Variants in PHRF1 observed in about 807,000 individuals in gnomAD.
PHRF1 encodes the protein PHD and ring finger domains 1.
In PHRF1, 53 loss-of-function variants were observed where a neutral mutation model predicts 128.9. The observed-to-expected ratio is 0.41, with a 90% CI of 0.33 to 0.52. The LOEUF (loss-of-function observed/expected upper bound fraction) is 0.52. PHRF1 is among the 20% of genes least tolerant of loss of function. The pLI, the probability that PHRF1 is intolerant of heterozygous loss-of-function variation, is 0.21. For missense variants in PHRF1, 2,503 were observed against 2,284.5 expected (o/e 1.10, Z -1.95); for synonymous variants, 1,178 against 980.6 (o/e 1.20, Z -3.76).
rs201479751 is a variant in PHRF1 at position 607,921 on chromosome 11, C to T, written c.2465C>T (p.Thr822Met). Residue 822 changes from threonine to methionine, a missense_variant, in exon 14 of 18, where the codon ACG becomes ATG. Physicochemically the swap from Thr to Met is moderately conservative, Grantham distance 81 (BLOSUM62 -1). Coordinates refer to ENST00000264555, the MANE Select transcript of PHRF1 (RefSeq NM_001286581.2). ...TCACCCCTCTTCTCCATCAAGAAGA[C>T]GAAGCAGCTGCGGAGCGAGGTCTAC... ...NPSPLFSIKK[T>M]KQLRSEVYDP... The T allele has an allele frequency of 3.4e-5, 55 of 1,612,608 alleles. No homozygotes were observed. Among genetic ancestry groups the T allele is most frequent in the South Asian group, 4.4e-5 (4 of 91,072 alleles).
Position 610,235 on chromosome 11 carries a change from C to A in PHRF1, c.4304C>A (p.Ala1435Asp), listed in dbSNP as rs770253426. The change falls in exon 15 of 18, where the codon GCC (alanine) becomes GAC (aspartate). Residue 1435 changes from alanine to aspartate, a missense_variant. Ala to Asp is a moderately radical substitution (Grantham distance 126). Coordinates refer to ENST00000264555, the MANE Select transcript of PHRF1 (RefSeq NM_001286581.2). ...LHRPQKPREG[A>D]WDMEDVAPTG... ...AGGCCACAGAAGCCCCGAGAAGGAG[C>A]CTGGGACATGGAGGATGTGGCCCCC... 5.2e-6 allele frequency: 8 copies of A among 1,550,072 alleles called. No homozygotes were observed. In the Admixed American group the frequency reaches 9.7e-5, roughly 19 times the overall value.
chr11:590,429 TC>T (rs558630540), intron 4 of PHRF1, among the ~76,000 whole-genome samples: 3 of 152,052 alleles, frequency 2.0e-5, no homozygotes, highest in Non-Finnish European at 4.4e-5. Context: ...GCGGCTCCAA[TC>T]CTGAGAAACC....
At chr11:606,650 C>CCCA (rs1855965583) in intron 13 of PHRF1, 54 bp downstream of exon 13, 1 of 1,546,512 alleles carries the variant, frequency 6.5e-7, no homozygotes, top group African/African-American at 1.4e-5. Flanking sequence ...GGTCCTCAGG[C>CCCA]TGTTCGCAAG....
intron 10 of PHRF1, 126 bp from the exon 11 acceptor site, chr11:604,993 T>G: frequency 1.1e-6 from 1 of 952,146 alleles, no homozygotes; most frequent in Non-Finnish European, 1.5e-6. Flanking sequence ...CCCATTGACT[T>G]TGGCTTAGTA....
At chr11:584,176 T>A (rs1854386336) in intron 3 of PHRF1, among the ~76,000 whole-genome samples, 1 of 152,148 alleles carries the variant, frequency 6.6e-6, no homozygotes, top group Non-Finnish European at 1.5e-5. Flanking sequence ...GGTCTGCAGG[T>A]CCTGAGGGGC....
In PHRF1 at chr11:609,017, C is replaced by A. The variant is rs1316574430; in HGVS notation, c.3561C>A (p.Thr1187=). The change falls in exon 14 of 18, where the codon ACC becomes ACA. Residue 1187 remains threonine, a synonymous_variant. Transcript: ENST00000264555. ...GGTCCCGTGAGAAGTGGCCGCAGACCCGGTCCCATTCCCCAGAGAGGAAGG... is the reference window on the plus strand; with the variant it reads ...GGTCCCGTGAGAAGTGGCCGCAGACACGGTCCCATTCCCCAGAGAGGAAGG... ...RPRSREKWPQ[T]RSHSPERKGA... is the part of the protein sequence containing the mutation. The A allele has an allele frequency of 6.3e-7, 1 of 1,597,078 alleles. No individual in the cohort carries two copies.
chr11:601,759 T>C, intron 10 of PHRF1, 58 bp downstream of exon 10: 11 of 1,606,324 alleles, frequency 6.8e-6, no homozygotes, highest in Non-Finnish European at 9.4e-6. Context: ...CTCGCGTGGT[T>C]ACGGAGCAGG....
chr11:609,338 C>T lies in PHRF1; in HGVS notation c.3882C>T (p.Ser1294=), dbSNP rs746742223. The part of the protein sequence containing the change: ...DDMSSPPSPE[S]TDSSPERDFP... ...TGAGCTCGCCACCTTCTCCCGAAAG[C>T]ACAGACTCTTCCCCGGAGCGAGACT... is the stretch of plus-strand genomic sequence containing the variant. The change falls in exon 14 of 18, where the codon AGC becomes AGT. Residue 1294 remains serine (S), a synonymous_variant. Coordinates refer to ENST00000264555, the MANE Select transcript of PHRF1 (RefSeq NM_001286581.2). 3.6e-5 allele frequency: 58 copies of T among 1,612,402 alleles called. No homozygotes were observed. Among genetic ancestry groups the T allele is most frequent in the Non-Finnish European group, 4.8e-5 (57 of 1,179,904 alleles).
chr11:587,285 G>A lies in PHRF1; in HGVS notation c.241G>A (p.Glu81Lys). Residue 81 changes from glutamate to lysine, a missense_variant, in exon 4 of 18, where the codon GAG becomes AAG. By Grantham distance (56) the Glu-to-Lys change is moderately conservative. Transcript: ENST00000264555. ...SGSEDSEDDG[E>K]TLLEVAGTQG... ...TTCCGAGGATTCTGAAGACGACGGG[G>A]AGACATTGCTGGAGGTAGCGGGTAC... 2 of 1,613,578 alleles carry A rather than the reference G, an allele frequency of 1.2e-6. No individual in the cohort carries two copies. Among genetic ancestry groups the A allele is most frequent in the Non-Finnish European group, 1.7e-6 (2 of 1,179,878 alleles).
rs771429242 is a variant in PHRF1, at chr11:607,409, C to A, written c.1953C>A (p.Ser651Arg). ...PLASAASKIS[S>R]RDSKPPCRSV... The stretch of plus-strand genomic sequence containing the variant: ...CCTCTGCCGCGTCTAAGATCTCAAG[C>A]AGAGATTCTAAGCCCCCATGTCGCA... The change falls in exon 14 of 18, where the codon AGC (serine) becomes AGA (arginine). Residue 651 changes from serine (S) to arginine (R), a missense_variant. By Grantham distance (110) the Ser-to-Arg change is moderately radical. Coordinates refer to ENST00000264555, the MANE Select transcript of PHRF1 (RefSeq NM_001286581.2). The A allele has an allele frequency of 6.2e-7, 1 of 1,612,852 alleles. No homozygotes were observed. The highest frequency in any genetic ancestry group is 8.5e-7 in the Non-Finnish European group (1 of 1,179,886).
chr11:584,029 G>GAT (rs544221521), intron 3 of PHRF1, among the ~76,000 whole-genome samples: 13 of 152,376 alleles, frequency 8.5e-5, no homozygotes, highest in African/African-American at 2.9e-4. Context: ...ATCAGGGTTA[G>GAT]AATGTTCCAG....
Position 610,229 on chromosome 11 carries a change from A to G in PHRF1, c.4298A>G (p.Glu1433Gly). ...APLHRPQKPR[E>G]GAWDMEDVAP... ...CTTCACAGGCCACAGAAGCCCCGAGAAGGAGCCTGGGACATGGAGGATGTG... is the reference window on the plus strand; with the variant it reads ...CTTCACAGGCCACAGAAGCCCCGAGGAGGAGCCTGGGACATGGAGGATGTG... Residue 1433 changes from glutamate (E) to glycine (G), a missense_variant, in exon 15 of 18, where the codon GAA (glutamate) becomes GGA (glycine). Physicochemically the swap from Glu to Gly is moderately conservative, Grantham distance 98. Transcript: ENST00000264555. 1 of 1,546,506 alleles carries G rather than the reference A, an allele frequency of 6.5e-7. No individual in the cohort carries two copies. The highest frequency in any genetic ancestry group is 8.7e-7 in the Non-Finnish European group (1 of 1,144,116).
In PHRF1 at chr11:593,962, C is replaced by T. The variant is rs73396318; in HGVS notation, c.620+1288C>T. Among the ~76,000 whole-genome samples, 1,466 of 152,308 alleles carry T rather than the reference C, an allele frequency of 9.6e-3. 19 individuals carry two copies. The highest frequency in any genetic ancestry group is 0.033 in the African/African-American group (1,364 of 41,564). On this transcript the variant is annotated intron_variant, in intron 6 of 17. Coordinates refer to ENST00000264555, the MANE Select transcript of PHRF1 (RefSeq NM_001286581.2). ...TGGGAGCGTCTGCTGCCAGTTGCCC[C>T]GGCAGGCACTGAGTTGGTTGCTGTG... is the stretch of plus-strand genomic sequence containing the variant.
intron 1 of PHRF1, among the ~76,000 whole-genome samples, 181 bp downstream of exon 1, chr11:576,773 C>T (rs1365231208): frequency 9.0e-6 from 1 of 110,610 alleles, no homozygotes; most frequent in African/African-American, 3.2e-5. Flanking sequence ...GACTGGGAGG[C>T]CCCGCCGAGA....
intron 1 of PHRF1, among the ~76,000 whole-genome samples, chr11:578,421 C>T (rs1269260240): frequency 6.6e-6 from 1 of 152,172 alleles, no homozygotes; most frequent in Non-Finnish European, 1.5e-5. Context: ...GGACTTAGCC[C>T]CACAGGTGCA....
At position 607,052 on chromosome 11, in the gene PHRF1, T is replaced by G. The variant is rs1855990669; in HGVS notation, c.1610-14T>G. The G allele has an allele frequency of 6.5e-7, 1 of 1,545,838 alleles. No homozygotes were observed. On this transcript the variant is annotated splice_polypyrimidine_tract_variant and intron_variant, in intron 13 of 17. Coordinates refer to ENST00000264555, the MANE Select transcript of PHRF1 (RefSeq NM_001286581.2). ...GGGTGGGAAATGATTGCCATTGACT[T>G]TTTTGTTTTTTAGCTCCAGTTTCTT... is the stretch of plus-strand genomic sequence containing the variant.
intron 3 of PHRF1, among the ~76,000 whole-genome samples, chr11:582,813 C>T (rs923886077): frequency 7.3e-5 from 11 of 151,670 alleles, no homozygotes; most frequent in East Asian, 2.0e-4. Flanking sequence ...CGTGAGCCAC[C>T]GCGCCCGGCC....
intron 17 of PHRF1, among the ~76,000 whole-genome samples, chr11:611,292 G>A (rs1274202311): frequency 6.6e-6 from 1 of 152,118 alleles, no homozygotes; most frequent in East Asian, 1.9e-4. Flanking sequence ...TTAGGAAGGA[G>A]GGTGCCTCAG....
rs754019510 is a variant in PHRF1, at chr11:592,684, G to A, written c.620+10G>A. 51 of 1,613,616 alleles carry A rather than the reference G, an allele frequency of 3.2e-5. No homozygotes were observed. Among genetic ancestry groups the A allele is most frequent in the Non-Finnish European group, 4.0e-5 (47 of 1,179,656 alleles). ...ACGGCTGCGATGCGGGGTAAGGGAC[G>A]GTTGGGACTGGCACACGTGCCCTGC... is the stretch of plus-strand genomic sequence containing the variant. On this transcript the variant is annotated intron_variant, in intron 6 of 17. Coordinates refer to ENST00000264555, the MANE Select transcript of PHRF1 (RefSeq NM_001286581.2).
Sources: allele counts gnomAD v4.1 joint callset (sites outside exome capture counted in the v4.1 genomes callset), GRCh38; gene constraint gnomAD v4.1.1; transcripts MANE v1.5; gene names NCBI Gene and HGNC (gene_info 2026-07-23, HGNC 2026-07-21).